SH3RF2: variants seen among roughly 807,000 people sequenced by gnomAD.
SH3RF2 encodes SH3 domain containing ring finger 2.
A neutral mutation model predicts 59.0 loss-of-function variants in SH3RF2; 43 were observed. The ratio of observed to expected loss-of-function variants is 0.73; its 90% CI spans 0.57 to 0.94. The LOEUF (loss-of-function observed/expected upper bound fraction) is 0.94. Ranked by LOEUF, SH3RF2 falls within the 40% of genes least tolerant of loss-of-function variation. SH3RF2 has a pLI of 0.00. For missense variants in SH3RF2, 930 were observed against 940.1 expected (o/e 0.99, Z 0.14); for synonymous variants, 391 against 391.5 (o/e 1.00, Z 0.01).
intron 2 of SH3RF2, among the ~76,000 whole-genome samples, chr5:145,953,667 C>T (rs775386178): frequency 2.6e-5 from 4 of 152,096 alleles, no homozygotes; most frequent in Non-Finnish European, 5.9e-5. Context: ...GGAATTAAGC[C>T]TAGTACCCAA....
intron 3 of SH3RF2, 62 bp downstream of exon 3, chr5:146,000,389 G>A (rs1760361965): frequency 6.9e-7 from 1 of 1,448,664 alleles, no homozygotes; most frequent in East Asian, 2.7e-5. Context: ...GCAGAACAGA[G>A]TTCCTTGTTT....
chr5:146,056,082 A>G lies in SH3RF2; in HGVS notation c.1424A>G (p.Asp475Gly), dbSNP rs780094765. 1.2e-6 allele frequency: 2 copies of G among 1,614,240 alleles called. No homozygotes were observed. Among genetic ancestry groups the G allele is most frequent in the South Asian group, 1.1e-5 (1 of 91,082 alleles). ...TCCCAAGGCAGCATTTCAGAAGGTG[A>G]TCCACGGCAAAGCCGTCCCTTCAAA... The part of the protein sequence containing the change: ...VSSQGSISEG[D>G]PRQSRPFKSV... Residue 475 changes from aspartate (D) to glycine (G), a missense_variant, in exon 8 of 10, where the codon GAT becomes GGT. By Grantham distance (94) the Asp-to-Gly change is moderately conservative (BLOSUM62 -1). Coordinates refer to ENST00000359120, the MANE Select transcript of SH3RF2 (RefSeq NM_152550.4).
intron 5 of SH3RF2, among the ~76,000 whole-genome samples, chr5:146,027,075 A>G (rs1221109654): frequency 6.6e-6 from 1 of 152,196 alleles, no homozygotes; most frequent in East Asian, 1.9e-4. Flanking sequence ...CATGCTTCAG[A>G]GATGATCTGT....
chr5:146,020,446 G>T (rs538251094), intron 5 of SH3RF2, among the ~76,000 whole-genome samples: 1 of 152,126 alleles, frequency 6.6e-6, no homozygotes, highest in African/African-American at 2.4e-5. Flanking sequence ...AATAATTGCT[G>T]TTCCTTCTGG....
chr5:146,044,874 C>T (rs1762252042), intron 5 of SH3RF2, among the ~76,000 whole-genome samples: 1 of 152,210 alleles, frequency 6.6e-6, no homozygotes, highest in East Asian at 1.9e-4. Context: ...ATCACAAGCC[C>T]ACAGGTTACT....
downstream of SH3RF2, among the ~76,000 whole-genome samples, chr5:146,064,116 T>A (rs1254595476): frequency 6.6e-6 from 1 of 151,650 alleles, no homozygotes; most frequent in Non-Finnish European, 1.5e-5. Flanking sequence ...CAAAGAAGGC[T>A]GGAGGAGAAA....
chr5:145,964,607 A>G (rs1580782743), intron 2 of SH3RF2, among the ~76,000 whole-genome samples: 1 of 152,086 alleles, frequency 6.6e-6, no homozygotes, highest in East Asian at 1.9e-4. Context: ...ATGCTCGGCC[A>G]GTTTTGGTTT....
intron 2 of SH3RF2, among the ~76,000 whole-genome samples, chr5:145,945,608 A>G (rs1347355728): frequency 2.0e-5 from 3 of 152,188 alleles, no homozygotes; most frequent in Non-Finnish European, 4.4e-5. Context: ...TGTTCTGGGC[A>G]TGTGGACCTA....
At chr5:145,987,183 A>AT (rs763969235) in intron 2 of SH3RF2, among the ~76,000 whole-genome samples, 2 of 151,792 alleles carry the variant, frequency 1.3e-5, no homozygotes, top group East Asian at 1.9e-4. Flanking sequence ...ACAGGAAAAT[A>AT]TTTTTTCTCT....
At chr5:146,075,778 T>TAAAAAAAAAAAA (rs56300547) in intron 9 of SH3RF2, among the ~76,000 whole-genome samples, 19 of 76,964 alleles carry the variant, frequency 2.5e-4, no homozygotes, top group African/African-American at 7.8e-4. Flanking sequence ...AAATTCCATG[T>TAAAAAAAAAAAA]AAAAAAAAAA....
downstream of SH3RF2, among the ~76,000 whole-genome samples, chr5:146,064,872 A>AAGAAAG (rs1561773979): frequency 7.4e-6 from 1 of 134,264 alleles, no homozygotes; most frequent in East Asian, 2.4e-4. Context: ...AAGAGAAAGA[A>AAGAAAG]AAAGAAAAAG....
At position 146,000,274 on chromosome 5, in the gene SH3RF2, G is replaced by A. The variant is rs142885727; in HGVS notation, c.595G>A (p.Asp199Asn). The A allele has an allele frequency of 1.0e-4, 167 of 1,613,606 alleles. No homozygotes were observed. The highest frequency in any genetic ancestry group is 9.9e-4 in the South Asian group (90 of 91,006). ...PPLCRALYNF[D>N]LRGKDKSENQ... ...GCTCTGCAGGGCCCTCTACAACTTC[G>A]ACCTACGAGGCAAGGACAAGAGTGA... The change falls in exon 3 of 10, where the codon GAC (aspartate) becomes AAC (asparagine). Residue 199 changes from aspartate (D) to asparagine (N), a missense_variant. Coordinates refer to ENST00000359120, the MANE Select transcript of SH3RF2 (RefSeq NM_152550.4).
At chr5:146,002,320 G>A (rs534589718) in intron 3 of SH3RF2, among the ~76,000 whole-genome samples, 16 of 152,144 alleles carry the variant, frequency 1.1e-4, no homozygotes, top group African/African-American at 2.9e-4. Context: ...GCGTGGTTGC[G>A]CGTGCCTGTA....
downstream of SH3RF2, among the ~76,000 whole-genome samples, chr5:146,064,664 GAGAAAGAAAGAAAGAAAGAAAGAAAGAA>G (rs869196873): frequency 6.4e-3 from 27 of 4,250 alleles, no homozygotes; most frequent in African/African-American, 0.012. Context: ...GAGAGAGAAA[GAGAAAGAAAGAAAGAAAGAAAGAAAGAA>G]AGAAAGAAAG....
intron 2 of SH3RF2, among the ~76,000 whole-genome samples, chr5:145,971,002 G>A (rs531666685): frequency 4.4e-4 from 67 of 152,180 alleles, no homozygotes; most frequent in African/African-American, 1.6e-3. Context: ...TAATATTAAT[G>A]GGAACCTCAT....
intron 3 of SH3RF2, among the ~76,000 whole-genome samples, 162 bp downstream of exon 3, chr5:146,000,489 AC>A: frequency 6.6e-6 from 1 of 152,284 alleles, no homozygotes; most frequent in African/African-American, 2.4e-5. Flanking sequence ...TGCATAAATT[AC>A]GTATGTATAT....
At chr5:146,075,813 A>G (rs1763331423) in intron 9 of SH3RF2, among the ~76,000 whole-genome samples, 1 of 141,484 alleles carries the variant, frequency 7.1e-6, no homozygotes, top group Non-Finnish European at 1.5e-5. Context: ...AAAAAGGATG[A>G]AAAAGCTATC....
intron 2 of SH3RF2, among the ~76,000 whole-genome samples, chr5:145,940,651 T>C (rs1338514492): frequency 6.6e-6 from 1 of 152,212 alleles, no homozygotes; most frequent in African/African-American, 2.4e-5. Context: ...TGCAACATAC[T>C]TTTACTGCCT....
chr5:145,976,018 T>C (rs1335338072), intron 2 of SH3RF2, among the ~76,000 whole-genome samples: 1 of 152,230 alleles, frequency 6.6e-6, no homozygotes, highest in Non-Finnish European at 1.5e-5. Context: ...CATAAGATAA[T>C]GACAGGTCAC....
Sources: allele counts gnomAD v4.1 joint callset (sites outside exome capture counted in the v4.1 genomes callset), GRCh38; gene constraint gnomAD v4.1.1; transcripts MANE v1.5; gene names NCBI Gene and HGNC (gene_info 2026-07-23, HGNC 2026-07-21).